The following HAND2 variants were observed in gnomAD, a reference collection of about 807,000 sequenced individuals.
The protein encoded by HAND2 is heart- and neural crest derivatives-expressed protein 2.
A neutral mutation model predicts 14.7 loss-of-function variants in HAND2; 2 were observed. The ratio of observed to expected loss-of-function variants is 0.14; its 90% CI spans 0.06 to 0.43. The LOEUF is 0.43. Among genes scored for constraint, HAND2 ranks in the 20% least tolerant of loss-of-function variants. The pLI, the probability that HAND2 is intolerant of heterozygous loss-of-function variation, is 0.99. For synonymous variants in HAND2, 162 were observed against 135.9 expected, an observed-to-expected ratio of 1.19 and a Z score of -1.34; for missense variants, 275 against 313.6, an observed-to-expected ratio of 0.88 and a Z score of 0.93.
chr4:173,526,980 A>G lies in HAND2; in HGVS notation c.*297T>C, dbSNP rs768929734. On this transcript the variant is annotated 3_prime_UTR_variant, in exon 2 of 2. Transcript: ENST00000359562. Reference sequence around the variant, plus strand: ...CACAGCCAAGAGGGAACATTCACGCACACAGAATCTATGAGACGACGGGAT... The same window carrying G: ...CACAGCCAAGAGGGAACATTCACGCGCACAGAATCTATGAGACGACGGGAT... 7.1e-5 allele frequency: 42 copies of G among 587,822 alleles called. No individual in the cohort carries two copies. Among genetic ancestry groups the G allele is most frequent in the Admixed American group, 6.7e-4 (31 of 46,320 alleles). 36.4% of individuals were successfully genotyped at this position (587,822 alleles called of 1,614,324 possible). A position where few individuals can be genotyped will look rare whatever the true frequency, so the allele number is the denominator to read the frequency against.
rs1397743741 is a variant in HAND2 at position 173,526,808 on chromosome 4, T to C, written c.*469A>G. On this transcript the variant is annotated 3_prime_UTR_variant, in exon 2 of 2. Transcript: ENST00000359562. ...AACGGAAATGTTAGCGGCCCTGTTTTCTGCTTTGAAATAAAACTTTATAAT... is the reference window on the plus strand; with the variant it reads ...AACGGAAATGTTAGCGGCCCTGTTTCCTGCTTTGAAATAAAACTTTATAAT... 1 of 359,586 alleles carries C rather than the reference T, an allele frequency of 2.8e-6. No individual in the cohort carries two copies. The highest frequency in any genetic ancestry group is 5.5e-6 in the Non-Finnish European group (1 of 182,218). The allele number at this position is 359,586 out of a possible 1,614,324, so 22.3% of individuals were successfully genotyped here.
Position 173,529,031 on chromosome 4 carries a change from C to A in HAND2, c.259G>T (p.Ala87Ser), listed in dbSNP as rs1306248326. Residue 87 changes from alanine to serine, a missense_variant, in exon 1 of 2, where the codon GCC becomes TCC. Ala to Ser is a moderately conservative substitution (Grantham distance 99). Coordinates refer to ENST00000359562, the MANE Select transcript of HAND2 (RefSeq NM_021973.3). ...GGCCCCCCCAGGCCCGGGGGCCCGG[C>A]GCCCGGCGGCACCCCCCCGTAATGG... ...HSHYGGVPPG[A>S]GPPGLGGPRP... 3.3e-5 allele frequency: 50 copies of A among 1,502,676 alleles called. No individual in the cohort carries two copies. Among genetic ancestry groups the A allele is most frequent in the Middle Eastern group, 4.5e-4 (2 of 4,452 alleles). The allele number at this position is 1,502,676 out of a possible 1,614,324, so 93.1% of individuals were successfully genotyped here.
At position 173,528,906 on chromosome 4, in the gene HAND2, G is replaced by T; in HGVS notation, c.384C>A (p.Asn128Lys). The change falls in exon 1 of 2, where the codon AAC (asparagine) becomes AAA (lysine). Residue 128 changes from asparagine (N) to lysine (K), a missense_variant. Asn to Lys is a moderately conservative substitution (Grantham distance 94, BLOSUM62 0). Around this residue, in one of 4 missense-constraint regions of HAND2, gnomAD observed 34 missense variants for 77.9 expected, o/e 0.44. Coordinates refer to ENST00000359562, the MANE Select transcript of HAND2 (RefSeq NM_021973.3). The surrounding 1 kb of genome is among the most constrained non-coding windows in gnomAD (Gnocchi z 5.6). The part of the protein sequence containing the change: ...AFAELRECIP[N>K]VPADTKLSKI... The stretch of plus-strand genomic sequence containing the variant: ...TGGAGAGTTTGGTGTCGGCGGGTAC[G>T]TTGGGGATGCACTCGCGCAGTTCGG... 6.2e-7 allele frequency: 1 copy of T among 1,614,108 alleles called. No individual in the cohort carries two copies. The highest frequency in any genetic ancestry group is 8.5e-7 in the Non-Finnish European group (1 of 1,179,994).
chr4:173,528,603 G>C lies in HAND2; in HGVS notation c.555+132C>G. Reference sequence around the variant, plus strand: ...CCGGAAGCCATCCTTACACAACCTGGTGCAAACAACCTTGAAGCGGGACGC... The same window carrying C: ...CCGGAAGCCATCCTTACACAACCTGCTGCAAACAACCTTGAAGCGGGACGC... On this transcript the variant is annotated intron_variant, in intron 1 of 1. Transcript: ENST00000359562. The surrounding 1 kb of genome is among the most constrained non-coding windows in gnomAD (Gnocchi z 5.6). 8.8e-7 allele frequency: 1 copy of C among 1,133,314 alleles called. No individual in the cohort carries two copies. The highest frequency in any genetic ancestry group is 1.3e-6 in the Non-Finnish European group (1 of 785,808). The allele number at this position is 1,133,314 out of a possible 1,614,324, so 70.2% of individuals were successfully genotyped here.
At position 173,528,989 on chromosome 4, in the gene HAND2, G is replaced by C. The variant is rs750637353; in HGVS notation, c.301C>G (p.Arg101Gly). 4 of 1,611,698 alleles carry C rather than the reference G, an allele frequency of 2.5e-6. No homozygotes were observed. The highest frequency in any genetic ancestry group is 3.4e-6 in the Non-Finnish European group (4 of 1,178,916). Residue 101 changes from arginine (R) to glycine (G), a missense_variant, in exon 1 of 2, where the codon CGA (arginine) becomes GGA (glycine). Around this residue, in one of 4 missense-constraint regions of HAND2, gnomAD observed 175 missense variants for 157.1 expected, o/e 1.11. Transcript: ENST00000359562. The surrounding 1 kb of genome is among the most constrained non-coding windows in gnomAD (Gnocchi z 5.6). ...CGCTCCTTGCGGTTGGCGGTGCCTC[G>C]GCGCTTCACCGGGCGCGGCCCCCCC... ...GLGGPRPVKR[R>G]GTANRKERRR...
At position 173,529,990 on chromosome 4, in the gene HAND2, C is replaced by G. The variant is rs958349947; in HGVS notation, c.-701G>C. ...GCGAGTAACGTGTCCTCGCTCCTCTCGCGCTCTCTCGGAGGGTTTTCAGAG... is the reference window on the plus strand; with the variant it reads ...GCGAGTAACGTGTCCTCGCTCCTCTGGCGCTCTCTCGGAGGGTTTTCAGAG... On this transcript the variant is annotated 5_prime_UTR_variant, in exon 1 of 2. Transcript: ENST00000359562. The G allele has an allele frequency of 6.6e-6, 1 of 152,144 alleles. No homozygotes were observed. Among genetic ancestry groups the G allele is most frequent in the Non-Finnish European group, 1.5e-5 (1 of 68,038 alleles). The allele number at this position is 152,144 out of a possible 1,614,324, so 9.4% of individuals were successfully genotyped here. A position where few individuals can be genotyped will look rare whatever the true frequency, so the allele number is the denominator to read the frequency against.
chr4:173,530,215 T>G lies in HAND2; in HGVS notation c.-926A>C, dbSNP rs1160402753. The G allele has an allele frequency of 6.6e-6, 1 of 151,756 alleles. No individual in the cohort carries two copies. The highest frequency in any genetic ancestry group is 1.5e-5 in the Non-Finnish European group (1 of 68,010). The allele number at this position is 151,756 out of a possible 1,614,324, so 9.4% of individuals were successfully genotyped here. ...GAGCAAGCGGATTTTCCCAGCAAGA[T>G]CTCCATGTACAGCTACATCTTTAGG... On this transcript the variant is annotated 5_prime_UTR_variant, in exon 1 of 2. Transcript: ENST00000359562. This position sits in a 1 kb window ranked among gnomAD's most constrained non-coding sequence, Gnocchi z 6.2.
At chr4:173,527,728 C>T (rs956854047) in intron 1 of HAND2, 1 of 273,974 alleles carries the variant, frequency 3.6e-6, no homozygotes, top group Admixed American at 4.9e-5. Context: ...ATTAGCAATC[C>T]TAGATCCACA....
In HAND2 at chr4:173,526,941, A is replaced by G; in HGVS notation, c.*336T>C. 1.9e-6 allele frequency: 1 copy of G among 535,522 alleles called. No homozygotes were observed. Among genetic ancestry groups the G allele is most frequent in the Non-Finnish European group, 3.6e-6 (1 of 278,330 alleles). 33.2% of individuals were successfully genotyped at this position (535,522 alleles called of 1,614,324 possible). The stretch of plus-strand genomic sequence containing the variant: ...GGGGTTGAGTAGGTTGGCGGGGGGC[A>G]ACGCTGGTGTCTACACAGCCAAGAG... On this transcript the variant is annotated 3_prime_UTR_variant, in exon 2 of 2. Transcript: ENST00000359562.
In HAND2 at chr4:173,529,159, T is replaced by C. The variant is rs200710796; in HGVS notation, c.131A>G (p.His44Arg). 7 of 1,476,392 alleles carry C rather than the reference T, an allele frequency of 4.7e-6. No individual in the cohort carries two copies. The highest frequency in any genetic ancestry group is 6.2e-6 in the Non-Finnish European group (7 of 1,124,172). 91.5% of individuals were successfully genotyped at this position (1,476,392 alleles called of 1,614,324 possible). ...RCSHEENPYF[H>R]GWLIGHPEMS... ...CTCGGGGTGGCCGATGAGCCAGCCA[T>C]GGAAGTAGGGGTTCTCCTCATGGCT... Residue 44 changes from histidine (H) to arginine (R), a missense_variant, in exon 1 of 2, where the codon CAT becomes CGT. Physicochemically the swap from His to Arg is conservative, Grantham distance 29. This residue lies in a region of HAND2 where 175 missense variants were observed against 157.1 expected (regional missense o/e 1.11). Transcript: ENST00000359562.
chr4:173,526,807 T>C lies in HAND2; in HGVS notation c.*470A>G. On this transcript the variant is annotated 3_prime_UTR_variant, in exon 2 of 2. Transcript: ENST00000359562. ...CAACGGAAATGTTAGCGGCCCTGTT[T>C]TCTGCTTTGAAATAAAACTTTATAA... 1 of 359,368 alleles carries C rather than the reference T, an allele frequency of 2.8e-6. No individual in the cohort carries two copies. The highest frequency in any genetic ancestry group is 2.1e-5 in the South Asian group (1 of 46,830). 22.3% of individuals were successfully genotyped at this position (359,368 alleles called of 1,614,324 possible). A position where few individuals can be genotyped will look rare whatever the true frequency, so the allele number is the denominator to read the frequency against.
Position 173,528,720 on chromosome 4 carries a change from C to G in HAND2, c.555+15G>C, listed in dbSNP as rs536440491. On this transcript the variant is annotated intron_variant, in intron 1 of 1. Transcript: ENST00000359562. The surrounding 1 kb of genome is among the most constrained non-coding windows in gnomAD (Gnocchi z 5.6). Reference sequence around the variant, plus strand: ...ACCCCCTCAGCCCCACCGCCTGCCGCCCCCTGGTACTGACCAGCTCCTTCT... The same window carrying G: ...ACCCCCTCAGCCCCACCGCCTGCCGGCCCCTGGTACTGACCAGCTCCTTCT... 4 of 1,608,492 alleles carry G rather than the reference C, an allele frequency of 2.5e-6. No homozygotes were observed. Among genetic ancestry groups the G allele is most frequent in the East Asian group, 2.2e-5 (1 of 44,610 alleles).
rs751706907 is a variant in HAND2, at chr4:173,526,933, C to CG, written c.*343dup. 1 of 525,858 alleles carries CG rather than the reference C, an allele frequency of 1.9e-6. No individual in the cohort carries two copies. The highest frequency in any genetic ancestry group is 1.5e-5 in the South Asian group (1 of 65,200). 32.6% of individuals were successfully genotyped at this position (525,858 alleles called of 1,614,324 possible). A position where few individuals can be genotyped will look rare whatever the true frequency, so the allele number is the denominator to read the frequency against. The stretch of plus-strand genomic sequence containing the variant: ...ATCTGGAAGGGGTTGAGTAGGTTGG[C>CG]GGGGGGCAACGCTGGTGTCTACACA... On this transcript the variant is annotated 3_prime_UTR_variant, in exon 2 of 2. Coordinates refer to ENST00000359562, the MANE Select transcript of HAND2 (RefSeq NM_021973.3).
At position 173,529,188 on chromosome 4, in the gene HAND2, GC is replaced by G; in HGVS notation, c.101del (p.Arg34ProfsTer65). On this transcript the variant is annotated frameshift_variant, in exon 1 of 2. Coordinates refer to ENST00000359562, the MANE Select transcript of HAND2 (RefSeq NM_021973.3). LOFTEE classifies it high-confidence loss of function. ...AGTAGGGGTTCTCCTCATGGCTGCA[GC>G]GGCTGGCGGCGGCGGCGGCAGCTGC... ...AAAAAAAAASRCSHEENPYFH... is the reference protein window; with the variant it reads ...AAAAAAAAASXCSHEENPYFH... The G allele has an allele frequency of 6.9e-7, 1 of 1,439,796 alleles. No individual in the cohort carries two copies. The highest frequency in any genetic ancestry group is 9.1e-7 in the Non-Finnish European group (1 of 1,103,706). 89.2% of individuals were successfully genotyped at this position (1,439,796 alleles called of 1,614,324 possible).
chr4:173,528,572 C>T lies in HAND2; in HGVS notation c.555+163G>A. On this transcript the variant is annotated intron_variant, in intron 1 of 1. Coordinates refer to ENST00000359562, the MANE Select transcript of HAND2 (RefSeq NM_021973.3). The surrounding 1 kb of genome is among the most constrained non-coding windows in gnomAD (Gnocchi z 5.6). Reference sequence around the variant, plus strand: ...CTGACACCCTCCCCTCAACTCTCTGCTTATGCCGGAAGCCATCCTTACACA... The same window carrying T: ...CTGACACCCTCCCCTCAACTCTCTGTTTATGCCGGAAGCCATCCTTACACA... The T allele has an allele frequency of 2.5e-6, 2 of 800,632 alleles. No homozygotes were observed. The highest frequency in any genetic ancestry group is 3.3e-5 in the South Asian group (2 of 59,956). The allele number at this position is 800,632 out of a possible 1,614,324, so 49.6% of individuals were successfully genotyped here.
intron 1 of HAND2, 191 bp from the exon 2 acceptor site, chr4:173,527,566 C>G: frequency 1.6e-6 from 1 of 623,648 alleles, no homozygotes; most frequent in Non-Finnish European, 2.9e-6. Flanking sequence ...GCGGGGAGGC[C>G]TCGGCGCTGC....
In HAND2 at chr4:173,528,641, C is replaced by G. The variant is rs1205436871; in HGVS notation, c.555+94G>C. The G allele has an allele frequency of 6.9e-7, 1 of 1,444,968 alleles. No individual in the cohort carries two copies. The allele number at this position is 1,444,968 out of a possible 1,614,324, so 89.5% of individuals were successfully genotyped here. ...TGAAGCGGGACGCAGCCAAAGAACA[C>G]GAGATGCCATTTCTCAGCCCAATTG... On this transcript the variant is annotated intron_variant, in intron 1 of 1. Coordinates refer to ENST00000359562, the MANE Select transcript of HAND2 (RefSeq NM_021973.3). The surrounding 1 kb of genome is among the most constrained non-coding windows in gnomAD (Gnocchi z 5.6).
In HAND2 at chr4:173,527,191, G is replaced by T. The variant is rs1462594733; in HGVS notation, c.*86C>A. The stretch of plus-strand genomic sequence containing the variant: ...GCAAGGAGTCCTCAGAGCGGAGCGC[G>T]GACGGCTTTTCCGGAGTCCTGGGTC... On this transcript the variant is annotated 3_prime_UTR_variant, in exon 2 of 2. Coordinates refer to ENST00000359562, the MANE Select transcript of HAND2 (RefSeq NM_021973.3). 5 of 858,216 alleles carry T rather than the reference G, an allele frequency of 5.8e-6. No individual in the cohort carries two copies. Among genetic ancestry groups the T allele is most frequent in the Non-Finnish European group, 1.0e-5 (5 of 501,790 alleles). The allele number at this position is 858,216 out of a possible 1,614,324, so 53.2% of individuals were successfully genotyped here. A position where few individuals can be genotyped will look rare whatever the true frequency, so the allele number is the denominator to read the frequency against.
rs1731670980 is a variant in HAND2 at position 173,530,150 on chromosome 4, G to C, written c.-861C>G. 1 of 152,192 alleles carries C rather than the reference G, an allele frequency of 6.6e-6. No individual in the cohort carries two copies. The allele number at this position is 152,192 out of a possible 1,614,324, so 9.4% of individuals were successfully genotyped here. A position where few individuals can be genotyped will look rare whatever the true frequency, so the allele number is the denominator to read the frequency against. ...TGCGCGGTGGCCGAGGAAGCTCCGG[G>C]GTGACGGCGGTGGTTCTCCTGGGCT... On this transcript the variant is annotated 5_prime_UTR_variant, in exon 1 of 2. Transcript: ENST00000359562. This position sits in a 1 kb window ranked among gnomAD's most constrained non-coding sequence, Gnocchi z 6.2.
Sources: gnomAD v4.1 joint callset for allele counts on GRCh38, gnomAD v4.1.1 for gene constraint, gnomAD v4.1.1 regional missense constraint, Gnocchi (gnomAD v3.1) non-coding constraint, MANE v1.5 for transcripts, NCBI Gene and HGNC (gene_info 2026-07-23, HGNC 2026-07-21) for gene names.